Variants in C4orf36 observed in about 807,000 individuals in gnomAD.
The protein encoded by C4orf36 is uncharacterized protein C4orf36.
Under a neutral mutation model 12.2 loss-of-function variants are expected in C4orf36, and 11 were observed. The observed-to-expected ratio is 0.90, with a 90% CI of 0.57 to 1.49. The LOEUF (loss-of-function observed/expected upper bound fraction) is 1.49, where lower values mean the gene tolerates loss of function less well. C4orf36 is among the 40% of genes most tolerant of loss of function. C4orf36 has a pLI of 0.00. For synonymous variants in C4orf36, 54 were observed against 51.3 expected (o/e 1.05, Z -0.22); for missense variants, 137 against 133.9 (o/e 1.02, Z -0.11).
chr4:86,935,853 T>C, the C4orf36 span: 1 of 152,106 alleles, frequency 6.6e-6, no homozygotes, highest in Non-Finnish European at 1.5e-5. Context: ...GACTGGTTAA[T>C]TTCTCTTGAT....
the C4orf36 span, among the ~76,000 whole-genome samples, chr4:86,915,625 T>G: frequency 1.3e-5 from 2 of 152,114 alleles, no homozygotes; most frequent in South Asian, 4.2e-4. Context: ...CCATCTCTAC[T>G]AAAAATACAA....
rs191707434 is a variant in C4orf36 at position 86,891,587 on chromosome 4, A to C, written c.-67T>G. 1.2e-6 allele frequency: 2 copies of C among 1,607,992 alleles called. No individual in the cohort carries two copies. Among genetic ancestry groups the C allele is most frequent in the African/African-American group, 2.7e-5 (2 of 74,844 alleles). On this transcript the variant is annotated 5_prime_UTR_variant, in exon 2 of 5. Coordinates refer to ENST00000295898, the MANE Select transcript of C4orf36 (RefSeq NM_144645.4). ...TGGAATGTCACAGATAACTCTGTTCACTTTACCTGAAATGATGGCAACGCA... is the reference window on the plus strand; with the variant it reads ...TGGAATGTCACAGATAACTCTGTTCCCTTTACCTGAAATGATGGCAACGCA...
intron 2 of C4orf36, among the ~76,000 whole-genome samples, chr4:86,890,522 CACTT>C (rs1393280008): frequency 6.7e-6 from 1 of 149,932 alleles, no homozygotes; most frequent in East Asian, 2.0e-4. Flanking sequence ...ATAATAATGA[CACTT>C]ACTATAATGG....
At chr4:86,899,680 T>C in the C4orf36 span, among the ~76,000 whole-genome samples, 1 of 152,038 alleles carries the variant, frequency 6.6e-6, no homozygotes, top group Non-Finnish European at 1.5e-5. Flanking sequence ...AATATATACA[T>C]ATTAGCCAAA....
the C4orf36 span, among the ~76,000 whole-genome samples, chr4:86,901,889 T>G: frequency 1.3e-5 from 2 of 152,172 alleles, no homozygotes; most frequent in African/African-American, 4.8e-5. Flanking sequence ...GCTATACATG[T>G]GAATGTGACC....
intron 4 of C4orf36, among the ~76,000 whole-genome samples, chr4:86,878,973 G>A (rs1409375875): frequency 2.0e-5 from 3 of 152,194 alleles, no homozygotes; most frequent in African/African-American, 4.8e-5. Flanking sequence ...TTGGGAGGTC[G>A]CCATACACTC....
intron 4 of C4orf36, chr4:86,886,932 C>T (rs950669107): frequency 5.1e-4 from 77 of 152,168 alleles, no homozygotes; most frequent in Middle Eastern, 6.8e-3. Context: ...ACTATGCAGC[C>T]ATAAAAAATA....
the C4orf36 span, chr4:86,913,917 C>A: frequency 7.5e-7 from 1 of 1,325,462 alleles, no homozygotes; most frequent in East Asian, 2.4e-5. Flanking sequence ...CGAACTCTCC[C>A]GGGCTCACGC....
At chr4:86,917,105 C>T in the C4orf36 span, among the ~76,000 whole-genome samples, 5 of 152,080 alleles carry the variant, frequency 3.3e-5, no homozygotes, top group African/African-American at 1.2e-4. Flanking sequence ...TAGTAAGACA[C>T]CATTTCTACA....
the C4orf36 span, among the ~76,000 whole-genome samples, chr4:86,917,486 G>A: frequency 9.4e-5 from 9 of 96,104 alleles, no homozygotes; most frequent in Non-Finnish European, 2.0e-4. Flanking sequence ...TAAAGAAAAA[G>A]AAAGGGAGAG....
the C4orf36 span, among the ~76,000 whole-genome samples, chr4:86,929,882 T>TA: frequency 6.6e-6 from 1 of 152,240 alleles, no homozygotes; most frequent in Admixed American, 6.5e-5. Context: ...ATGGCACCAT[T>TA]AACAAAAGTT....
At chr4:86,883,704 A>T (rs1747098794) in intron 4 of C4orf36, among the ~76,000 whole-genome samples, 1 of 152,194 alleles carries the variant, frequency 6.6e-6, no homozygotes, top group African/African-American at 2.4e-5. Context: ...AGTATGCCAC[A>T]GTGCCTTTCA....
At chr4:86,905,269 G>C in the C4orf36 span, among the ~76,000 whole-genome samples, 1 of 151,428 alleles carries the variant, frequency 6.6e-6, no homozygotes, top group Non-Finnish European at 1.5e-5. Flanking sequence ...TGTCGTCCTT[G>C]CTACTCAGGA....
the C4orf36 span, among the ~76,000 whole-genome samples, chr4:86,931,571 T>C: frequency 1.3e-5 from 2 of 152,028 alleles, no homozygotes; most frequent in African/African-American, 4.8e-5. Flanking sequence ...GCTAATTTTT[T>C]TGCTTTCTGT....
At chr4:86,887,084 AG>A (rs1298525138) in intron 4 of C4orf36, 6 of 146,830 alleles carry the variant, frequency 4.1e-5, no homozygotes, top group Admixed American at 3.4e-4. Context: ...GGACACAGGA[AG>A]GGGAACATCA....
the C4orf36 span, among the ~76,000 whole-genome samples, chr4:86,909,646 G>C: frequency 2.6e-5 from 4 of 151,976 alleles, no homozygotes; most frequent in Admixed American, 6.6e-5. Flanking sequence ...TATAAGCCTC[G>C]TGAAAGTGAA....
At chr4:86,915,947 A>G in the C4orf36 span, among the ~76,000 whole-genome samples, 3 of 152,198 alleles carry the variant, frequency 2.0e-5, no homozygotes, top group Non-Finnish European at 2.9e-5. Context: ...GAGGGAATGA[A>G]CAATTCTCCC....
upstream of C4orf36, among the ~76,000 whole-genome samples, chr4:86,893,862 A>ATTTT (rs1169159891): frequency 6.5e-5 from 9 of 138,572 alleles, no homozygotes; most frequent in South Asian, 2.4e-4. Context: ...TTTGGCCTGA[A>ATTTT]TTTTTATTTA....
chr4:86,901,833 T>A, the C4orf36 span, among the ~76,000 whole-genome samples: 71 of 152,172 alleles, frequency 4.7e-4, no homozygotes, highest in South Asian at 1.7e-3. Context: ...ATGGGTTGAA[T>A]TGTGTCCCCT....
Sources: gnomAD v4.1 joint callset for allele counts (sites outside exome capture counted in the v4.1 genomes callset) on GRCh38, gnomAD v4.1.1 for gene constraint, MANE v1.5 for transcripts, NCBI Gene and HGNC (gene_info 2026-07-23, HGNC 2026-07-21) for gene names.